Variants in PTPRK observed in about 807,000 individuals in gnomAD.
PTPRK encodes the protein receptor-type tyrosine-protein phosphatase kappa.
A neutral mutation model predicts 178.0 loss-of-function variants in PTPRK; 75 were observed. That is an observed-to-expected ratio of 0.42 (90% CI 0.35 to 0.51). PTPRK has a LOEUF of 0.51. Ranked by LOEUF, PTPRK falls within the 20% of genes least tolerant of loss-of-function variation. The pLI is 0.02. For synonymous variants in PTPRK, 637 were observed against 620.6 expected (o/e 1.03, Z -0.39); for missense variants, 1,441 against 1,797.8 (o/e 0.80, Z 3.59).
chr6:127,973,217 C>T, intron 28 of PTPRK, 60 bp from the exon 29 acceptor site: 4 of 1,599,382 alleles, frequency 2.5e-6, no homozygotes, highest in South Asian at 2.2e-5. Context: ...ACAGGTCACA[C>T]CATCATATAT....
intron 3 of PTPRK, among the ~76,000 whole-genome samples, chr6:128,277,981 G>T (rs564580277): frequency 6.6e-6 from 1 of 151,992 alleles, no homozygotes; most frequent in Admixed American, 6.6e-5. Flanking sequence ...TGTTTTAAAA[G>T]AAAAAACCTA....
chr6:128,083,397 A>T (rs1208654442), intron 9 of PTPRK, among the ~76,000 whole-genome samples: 1 of 152,072 alleles, frequency 6.6e-6, no homozygotes, highest in African/African-American at 2.4e-5. Flanking sequence ...TAAAAAGGAA[A>T]ATGAGGGTTT....
intron 3 of PTPRK, among the ~76,000 whole-genome samples, chr6:128,273,706 G>A (rs552358065): frequency 2.2e-4 from 33 of 152,056 alleles, no homozygotes; most frequent in Non-Finnish European, 4.1e-4. Flanking sequence ...AAATGTCTAG[G>A]GTTATCTCCA....
At chr6:128,314,260 T>C (rs72967090) in intron 3 of PTPRK, among the ~76,000 whole-genome samples, 13,785 of 152,222 alleles carry the variant, frequency 0.091, 744 homozygotes, top group African/African-American at 0.15. Context: ...TTTATTTATC[T>C]GGATTTTCTC....
At chr6:128,179,197 G>A (rs1299810525) in intron 7 of PTPRK, among the ~76,000 whole-genome samples, 2 of 151,946 alleles carry the variant, frequency 1.3e-5, no homozygotes, top group African/African-American at 2.4e-5. Flanking sequence ...CTGGTCCCTA[G>A]TGACTTCTAG....
chr6:128,437,310 C>T (rs1287823482), intron 1 of PTPRK, among the ~76,000 whole-genome samples: 1 of 152,128 alleles, frequency 6.6e-6, no homozygotes, highest in Non-Finnish European at 1.5e-5. Flanking sequence ...AATCACAAAC[C>T]ATCATAAAAG....
intron 5 of PTPRK, among the ~76,000 whole-genome samples, chr6:128,227,740 T>G (rs1811598349): frequency 6.6e-6 from 1 of 152,026 alleles, no homozygotes; most frequent in Non-Finnish European, 1.5e-5. Context: ...AACCGCAACA[T>G]AATATTTCAA....
intron 3 of PTPRK, among the ~76,000 whole-genome samples, chr6:128,288,365 A>G (rs764801238): frequency 1.1e-4 from 16 of 152,208 alleles, no homozygotes; most frequent in Non-Finnish European, 1.6e-4. Context: ...ATAATAATAC[A>G]AAAGTGAATC....
intron 5 of PTPRK, chr6:128,237,970 A>G: frequency 2.4e-6 from 1 of 418,148 alleles, no homozygotes; most frequent in South Asian, 1.8e-5. Flanking sequence ...TTTTAATTTG[A>G]AAACACCCTT....
intron 1 of PTPRK, among the ~76,000 whole-genome samples, chr6:128,454,646 T>C (rs910281405): frequency 6.6e-6 from 1 of 152,170 alleles, no homozygotes; most frequent in African/African-American, 2.4e-5. Context: ...GAGTCACTAA[T>C]TATCCTTTAA....
intron 13 of PTPRK, among the ~76,000 whole-genome samples, chr6:128,024,646 T>TA (rs1313206448): frequency 6.6e-6 from 1 of 151,712 alleles, no homozygotes; most frequent in Non-Finnish European, 1.5e-5. Context: ...CCATCTCTAC[T>TA]AAAAATACAA....
chr6:128,017,913 G>A (rs570954828), intron 13 of PTPRK, among the ~76,000 whole-genome samples: 24 of 148,210 alleles, frequency 1.6e-4, no homozygotes, highest in Non-Finnish European at 2.8e-4. Context: ...GTCCTATCCA[G>A]GGTAGGACTG....
At chr6:128,023,985 A>G (rs1372422241) in intron 13 of PTPRK, among the ~76,000 whole-genome samples, 2 of 151,820 alleles carry the variant, frequency 1.3e-5, no homozygotes, top group Middle Eastern at 3.2e-3. Flanking sequence ...CTTATTTTAA[A>G]CTCAAATAGA....
At chr6:128,062,417 G>GA (rs11422080) in intron 13 of PTPRK, 151,263 of 166,872 alleles carry the variant, frequency 0.91, 68,834 homozygotes, top group East Asian at 1. Context: ...TTCATATGTG[G>GA]AAAAATGCTA....
rs778737470 is a variant in PTPRK, at chr6:128,341,555, A to AT, written c.224-19246dup. ...AATTTTAATTTTTCTGAAGAAAAAC[A>AT]TTTTTTCAAAAAGATGCTTCAAGAT... On this transcript the variant is annotated intron_variant, in intron 2 of 29. Coordinates refer to ENST00000368226, the MANE Select transcript of PTPRK (RefSeq NM_002844.4). 4.6e-5 allele frequency among the ~76,000 whole-genome samples: 7 copies of AT among 152,270 alleles called. No individual in the cohort carries two copies. The East Asian group carries it at 1.2e-3, about 25-fold the overall frequency.
intron 3 of PTPRK, among the ~76,000 whole-genome samples, chr6:128,284,614 A>C (rs1054949115): frequency 6.6e-6 from 1 of 152,230 alleles, no homozygotes; most frequent in African/African-American, 2.4e-5. Context: ...GAAGACAAAA[A>C]CAAGATGACC....
intron 10 of PTPRK, among the ~76,000 whole-genome samples, chr6:128,081,900 T>C (rs900320898): frequency 6.6e-6 from 1 of 152,042 alleles, no homozygotes; most frequent in African/African-American, 2.4e-5. Context: ...TAAAGTTTAA[T>C]TTCTTTATCA....
chr6:128,151,157 A>C (rs1797188479), intron 7 of PTPRK, among the ~76,000 whole-genome samples: 2 of 152,124 alleles, frequency 1.3e-5, no homozygotes, highest in African/African-American at 2.4e-5. Context: ...CCAGAATTTC[A>C]AGATAAATAA....
chr6:128,006,109 C>T (rs1025778193), intron 14 of PTPRK: 16 of 1,348,442 alleles, frequency 1.2e-5, no homozygotes, highest in Admixed American at 5.8e-5. Flanking sequence ...GAATGAAAAG[C>T]GTGACTCTGT....
Sources: allele counts gnomAD v4.1 joint callset (sites outside exome capture counted in the v4.1 genomes callset), GRCh38; gene constraint gnomAD v4.1.1; transcripts MANE v1.5; gene names NCBI Gene and HGNC (gene_info 2026-07-23, HGNC 2026-07-21).